The following STK32B variants were observed in gnomAD, a reference collection of about 807,000 sequenced individuals.
The protein encoded by STK32B is serine/threonine-protein kinase 32B.
STK32B carries 43 observed loss-of-function variants against 52.6 expected under a neutral mutation model. The observed-to-expected ratio is 0.82, with a 90% CI of 0.64 to 1.05. The LOEUF is 1.05. Among genes scored for constraint, STK32B ranks in the 50% least tolerant of loss-of-function variants. The probability of loss-of-function intolerance (pLI) is 0.00; values close to 1 mark genes in which losing one functional copy is unlikely to be tolerated. For missense variants in STK32B, 621 were observed against 534.6 expected (o/e 1.16, Z -1.59); for synonymous variants, 238 against 204.3 (o/e 1.17, Z -1.41).
At chr4:5,290,164 G>A (rs953945433) in intron 3 of STK32B, among the ~76,000 whole-genome samples, 7 of 151,994 alleles carry the variant, frequency 4.6e-5, no homozygotes, top group African/African-American at 1.4e-4. Context: ...GCACAGCCAC[G>A]GACGCCCATC....
intron 1 of STK32B, among the ~76,000 whole-genome samples, chr4:5,067,420 C>A (rs986297365): frequency 2.6e-5 from 4 of 152,136 alleles, no homozygotes; most frequent in Non-Finnish European, 4.4e-5. Flanking sequence ...TGAGGTGTCT[C>A]CTGTGGGCCC....
At chr4:5,261,645 C>G (rs1356187183) in intron 3 of STK32B, among the ~76,000 whole-genome samples, 1 of 152,130 alleles carries the variant, frequency 6.6e-6, no homozygotes, top group East Asian at 1.9e-4. Flanking sequence ...TAGGAATAAA[C>G]CCCAATTTCA....
chr4:5,382,478 C>G (rs1186771052), intron 4 of STK32B, among the ~76,000 whole-genome samples: 1 of 152,080 alleles, frequency 6.6e-6, no homozygotes, highest in Non-Finnish European at 1.5e-5. Context: ...CTCCTTCCCT[C>G]TCATCTGTGT....
chr4:5,024,913 CA>C, the STK32B span, among the ~76,000 whole-genome samples: 572 of 151,066 alleles, frequency 3.8e-3, 3 homozygotes, highest in African/African-American at 0.013. Context: ...GGGGGAGCTG[CA>C]CCCCCAACCC....
chr4:5,034,267 G>A, the STK32B span, among the ~76,000 whole-genome samples: 2 of 152,300 alleles, frequency 1.3e-5, no homozygotes, highest in South Asian at 2.1e-4. Flanking sequence ...AAATGAACCA[G>A]AAAATGTATG....
At chr4:5,360,276 A>T (rs752288071) in intron 4 of STK32B, among the ~76,000 whole-genome samples, 33 of 152,190 alleles carry the variant, frequency 2.2e-4, no homozygotes, top group Non-Finnish European at 4.6e-4. Flanking sequence ...GGGCACAACC[A>T]TGCCAACCTG....
At chr4:5,019,794 A>G in the STK32B span, among the ~76,000 whole-genome samples, 28 of 152,036 alleles carry the variant, frequency 1.8e-4, no homozygotes, top group Admixed American at 1.8e-3. Flanking sequence ...CAGAGATGGA[A>G]GGAGGGGAGG....
rs1172705413 is a variant in STK32B, at chr4:5,492,649, G to T, written c.1107-6296G>T. ...TGGTGAGAGAGGGCATCCCTGTCTT[G>T]TGCCAGTTTTCAAAGGGAATGCTTC... On this transcript the variant is annotated intron_variant, in intron 11 of 11. Transcript: ENST00000282908. 2.7e-5 allele frequency among the ~76,000 whole-genome samples: 4 copies of T among 150,452 alleles called. No individual in the cohort carries two copies. The East Asian group carries it at 7.8e-4, about 29-fold the overall frequency.
At chr4:5,199,106 A>C (rs192523891) in intron 3 of STK32B, among the ~76,000 whole-genome samples, 109 of 152,326 alleles carry the variant, frequency 7.2e-4, no homozygotes, top group African/African-American at 2.5e-3. Flanking sequence ...TAGGCATTAC[A>C]GAGATCCTTT....
At chr4:5,318,180 A>C (rs188971291) in intron 3 of STK32B, among the ~76,000 whole-genome samples, 95 of 152,288 alleles carry the variant, frequency 6.2e-4, no homozygotes, top group Middle Eastern at 3.4e-3. Flanking sequence ...GACAGCACAC[A>C]ACAAAACAGG....
At position 5,398,005 on chromosome 4, in the gene STK32B, C is replaced by G. The variant is rs1737028881; in HGVS notation, c.435-202C>G. Among the ~76,000 whole-genome samples, 1 of 152,220 alleles carries G rather than the reference C, an allele frequency of 6.6e-6. No individual in the cohort carries two copies. The highest frequency in any genetic ancestry group is 1.5e-5 in the Non-Finnish European group (1 of 68,040). ...AAAATATTCAAACAATCTACTTGCA[C>G]TTCCAGGAAAGAGAAGAGGCGATAA... On this transcript the variant is annotated intron_variant, in intron 4 of 11. Coordinates refer to ENST00000282908, the MANE Select transcript of STK32B (RefSeq NM_018401.3). This position sits in a 1 kb window ranked among gnomAD's most constrained non-coding sequence, Gnocchi z 4.9.
At chr4:5,084,458 C>T (rs1434350563) in intron 1 of STK32B, among the ~76,000 whole-genome samples, 1 of 151,812 alleles carries the variant, frequency 6.6e-6, no homozygotes, top group African/African-American at 2.4e-5. Flanking sequence ...ATTTTGAAGA[C>T]ATGAAAAAAA....
chr4:5,367,108 T>C (rs1355630540), intron 4 of STK32B, among the ~76,000 whole-genome samples: 2 of 152,224 alleles, frequency 1.3e-5, no homozygotes, highest in South Asian at 2.1e-4. Flanking sequence ...AAGAAAAACT[T>C]CTTTTTCTCC....
At chr4:5,037,903 A>G in the STK32B span, among the ~76,000 whole-genome samples, 1 of 152,078 alleles carries the variant, frequency 6.6e-6, no homozygotes, top group African/African-American at 2.4e-5. Flanking sequence ...TAATGGGCAC[A>G]TGTTTTTTGG....
chr4:5,233,364 C>A (rs1444427941), intron 3 of STK32B, among the ~76,000 whole-genome samples: 2 of 152,074 alleles, frequency 1.3e-5, no homozygotes, highest in Admixed American at 6.6e-5. Context: ...GAAAGGAAGT[C>A]ATGAGCAAGA....
At chr4:5,370,491 G>A (rs1475262826) in intron 4 of STK32B, among the ~76,000 whole-genome samples, 1 of 152,116 alleles carries the variant, frequency 6.6e-6, no homozygotes, top group Non-Finnish European at 1.5e-5. Context: ...TCTTATTCAA[G>A]CAAATGGGAG....
At chr4:5,491,519 T>G (rs1161204997) in intron 11 of STK32B, among the ~76,000 whole-genome samples, 1 of 151,874 alleles carries the variant, frequency 6.6e-6, no homozygotes, top group African/African-American at 2.4e-5. Flanking sequence ...TTTCTCCCAT[T>G]TTGTAGGTTG....
At chr4:5,229,381 A>G (rs763715194) in intron 3 of STK32B, among the ~76,000 whole-genome samples, 1 of 152,234 alleles carries the variant, frequency 6.6e-6, no homozygotes, top group Non-Finnish European at 1.5e-5. Flanking sequence ...ACAAAACTGC[A>G]TTGGTACCTC....
intron 3 of STK32B, among the ~76,000 whole-genome samples, chr4:5,212,844 G>A (rs1722983506): frequency 6.6e-6 from 1 of 152,160 alleles, no homozygotes; most frequent in Non-Finnish European, 1.5e-5. Flanking sequence ...CGATGAGTGA[G>A]AGGAAACACG....
Sources: allele counts gnomAD v4.1 joint callset (sites outside exome capture counted in the v4.1 genomes callset), GRCh38; gene constraint gnomAD v4.1.1; non-coding constraint Gnocchi (gnomAD v3.1); transcripts MANE v1.5; gene names NCBI Gene and HGNC (gene_info 2026-07-23, HGNC 2026-07-21).